The following ANKRD36C variants were observed in gnomAD, a reference collection of about 807,000 sequenced individuals.
ANKRD36C encodes the protein ankyrin repeat domain 36C.
A neutral mutation model predicts 276.4 loss-of-function variants in ANKRD36C; 61 were observed. The ratio of observed to expected loss-of-function variants is 0.22; its 90% CI spans 0.18 to 0.27. ANKRD36C has a LOEUF of 0.27. Ranked by LOEUF, ANKRD36C falls within the 10% of genes least tolerant of loss-of-function variation. The probability of loss-of-function intolerance (pLI) is 1.00; values close to 1 mark genes in which losing one functional copy is unlikely to be tolerated. For synonymous variants in ANKRD36C, 483 were observed against 680.1 expected, an observed-to-expected ratio of 0.71 and a Z score of 4.51; for missense variants, 1,447 against 2,032.3, an observed-to-expected ratio of 0.71 and a Z score of 5.54.
chr2:95,943,440 G>A (rs1677950812), intron 19 of ANKRD36C, among the ~76,000 whole-genome samples: 3 of 147,674 alleles, frequency 2.0e-5, no homozygotes, highest in South Asian at 2.1e-4. Flanking sequence ...AGCCGAGATC[G>A]CCCACTGCCC....
chr2:95,924,822 T>C (rs532755578), intron 30 of ANKRD36C, among the ~76,000 whole-genome samples: 2 of 151,514 alleles, frequency 1.3e-5, no homozygotes, highest in African/African-American at 2.4e-5. Flanking sequence ...TTCACTCAGG[T>C]TTCCTCAGCA....
Position 95,908,724 on chromosome 2 carries a change from A to G in ANKRD36C, c.2653+3520T>C, listed in dbSNP as rs747324191. 72 of 1,544,536 alleles carry G rather than the reference A, an allele frequency of 4.7e-5. No homozygotes were observed. The African/African-American group carries it at 8.3e-4, about 18-fold the overall frequency. Reference sequence around the variant, plus strand: ...TGAAAAGTAAAAGGGATTCATAATCACTCATATGTAAAAATGACAAAATTA... The same window carrying G: ...TGAAAAGTAAAAGGGATTCATAATCGCTCATATGTAAAAATGACAAAATTA... On this transcript the variant is annotated intron_variant, in intron 42 of 66. Transcript: ENST00000456556.
chr2:95,915,671 T>TA (rs1461916550), intron 38 of ANKRD36C, among the ~76,000 whole-genome samples: 1 of 151,486 alleles, frequency 6.6e-6, no homozygotes, highest in Non-Finnish European at 1.5e-5. Flanking sequence ...CCTTTCTCCT[T>TA]ACACCCTTAA....
chr2:95,927,206 A>G lies in ANKRD36C; in HGVS notation c.1939+8T>C, dbSNP rs1446115665. On this transcript the variant is annotated splice_region_variant and intron_variant, in intron 28 of 66. Transcript: ENST00000456556. ...GAACATGACATTAAATGTGTTTTGC[A>G]AAATTACCTGTCCCAGATTGTTGTC... 1 of 1,609,700 alleles carries G rather than the reference A, an allele frequency of 6.2e-7. No individual in the cohort carries two copies. The highest frequency in any genetic ancestry group is 1.3e-5 in the African/African-American group (1 of 74,688).
At chr2:95,874,646 C>A (rs1435268743) in intron 59 of ANKRD36C, among the ~76,000 whole-genome samples, 6 of 151,092 alleles carry the variant, frequency 4.0e-5, no homozygotes, top group East Asian at 3.9e-4. Context: ...AAAACACCAA[C>A]AGCAATGGCA....
chr2:95,888,735 C>T (rs1676262592), intron 48 of ANKRD36C, among the ~76,000 whole-genome samples: 1 of 151,590 alleles, frequency 6.6e-6, no homozygotes, highest in Admixed American at 6.6e-5. Flanking sequence ...TTCTTGTATC[C>T]ACTCGTTTAG....
chr2:95,912,583 C>A (rs115576579), intron 40 of ANKRD36C, 148 bp from the exon 43 acceptor site: 3 of 1,474,712 alleles, frequency 2.0e-6, no homozygotes, highest in East Asian at 4.9e-5. Flanking sequence ...GGGACCAGAA[C>A]GTGACAGAAA....
chr2:95,870,747 G>A (rs893773973), intron 59 of ANKRD36C, among the ~76,000 whole-genome samples: 19 of 152,252 alleles, frequency 1.2e-4, no homozygotes, highest in East Asian at 7.7e-4. Flanking sequence ...AACCAAAGGC[G>A]AAGAAGTTAA....
chr2:95,984,871 C>A (rs1182491487), intron 3 of ANKRD36C, among the ~76,000 whole-genome samples: 4 of 151,842 alleles, frequency 2.6e-5, no homozygotes, highest in Admixed American at 6.6e-5. Context: ...CTAATAATGA[C>A]CTATATGTAT....
chr2:95,942,413 T>G, intron 19 of ANKRD36C, among the ~76,000 whole-genome samples: 1 of 152,430 alleles, frequency 6.6e-6, no homozygotes, highest in Non-Finnish European at 1.5e-5. Flanking sequence ...TGAAAACAGT[T>G]ATCTAAACCA....
In ANKRD36C at chr2:95,902,977, G is replaced by A. The variant is rs1447218956; in HGVS notation, c.2654-3641C>T. The A allele has an allele frequency of 1.6e-5, 25 of 1,580,586 alleles. 1 individual carries two copies. Among genetic ancestry groups the A allele is most frequent in the African/African-American group, 2.7e-5 (2 of 73,714 alleles). ...TTGTAGCCTGAATGGAATTTGAAAT[G>A]CAATAATAAATTAATAAAGTATGCT... is the stretch of plus-strand genomic sequence containing the variant. On this transcript the variant is annotated intron_variant, in intron 42 of 66. Coordinates refer to ENST00000456556, the Ensembl canonical transcript of ANKRD36C.
At chr2:95,884,135 G>T (rs1397702473) in intron 54 of ANKRD36C, 38 bp downstream of exon 74, 1 of 1,574,676 alleles carries the variant, frequency 6.4e-7, no homozygotes, top group Non-Finnish European at 8.7e-7. Flanking sequence ...TTTTCTATCT[G>T]GACTGAACAT....
At position 95,876,873 on chromosome 2, in the gene ANKRD36C, A is replaced by T. The variant is rs541040534; in HGVS notation, c.3470-364T>A. Among the ~76,000 whole-genome samples, 45 of 145,668 alleles carry T rather than the reference A, an allele frequency of 3.1e-4. No homozygotes were observed. In the East Asian group the frequency reaches 8.1e-3, roughly 26 times the overall value. ...TGTCTCAAAAAAAAAAAAAAAAAAA[A>T]AAGTCTTTCTAAAACCAGAAAATAA... is the stretch of plus-strand genomic sequence containing the variant. On this transcript the variant is annotated intron_variant, in intron 58 of 66. Transcript: ENST00000456556.
rs919479047 is a variant in ANKRD36C, at chr2:95,971,698, T to A, written c.799+6424A>T. Among the ~76,000 whole-genome samples the A allele has an allele frequency of 2.2e-3, 337 of 152,256 alleles. 1 individual carries two copies. The highest frequency in any genetic ancestry group is 3.5e-3 in the Non-Finnish European group (239 of 68,002). On this transcript the variant is annotated intron_variant, in intron 6 of 66. Transcript: ENST00000456556. ...ATAACTGATAAATGATTGATTTTTT[T>A]AATTTCATAATTATAAACAGAAATT...
intron 58 of ANKRD36C, among the ~76,000 whole-genome samples, chr2:95,879,686 C>A (rs1189146781): frequency 6.6e-6 from 1 of 152,092 alleles, no homozygotes; most frequent in Non-Finnish European, 1.5e-5. Context: ...TTGACCAGAA[C>A]CAATAAAAGT....
chr2:95,919,793 C>T lies in ANKRD36C; in HGVS notation c.2246-1751G>A. 11 of 1,402,010 alleles carry T rather than the reference C, an allele frequency of 7.8e-6. 3 individuals carry two copies. The highest frequency in any genetic ancestry group is 4.9e-5 in the South Asian group (4 of 81,668). 86.8% of individuals were successfully genotyped at this position (1,402,010 alleles called of 1,614,324 possible). On this transcript the variant is annotated intron_variant, in intron 34 of 66. Coordinates refer to ENST00000456556, the Ensembl canonical transcript of ANKRD36C. ...GCTATATTCAAAACAGAATCTTCCTCGTCAGTTGTAGCCTGAATGGAATTT... is the reference window on the plus strand; with the variant it reads ...GCTATATTCAAAACAGAATCTTCCTTGTCAGTTGTAGCCTGAATGGAATTT...
chr2:95,916,785 G>C (rs189863019), intron 36 of ANKRD36C, among the ~76,000 whole-genome samples: 39 of 151,506 alleles, frequency 2.6e-4, no homozygotes, highest in African/African-American at 9.0e-4. Flanking sequence ...AAGTTTCTTG[G>C]ATCCACTAGT....
chr2:95,915,880 T>C, intron 38 of ANKRD36C, 100 bp downstream of exon 40: 1 of 1,431,312 alleles, frequency 7.0e-7, no homozygotes, highest in African/African-American at 1.4e-5. Flanking sequence ...GCCTGTTGAA[T>C]CAGAATGTGC....
intron 19 of ANKRD36C, 132 bp downstream of exon 19, chr2:95,944,495 T>G: frequency 1.1e-6 from 1 of 940,748 alleles, no homozygotes; most frequent in East Asian, 2.7e-5. Context: ...GAATAAAGCA[T>G]GGGAAAACTA....
Sources: gnomAD v4.1 joint callset for allele counts (sites outside exome capture counted in the v4.1 genomes callset) on GRCh38, gnomAD v4.1.1 for gene constraint, MANE v1.5 for transcripts, NCBI Gene and HGNC (gene_info 2026-07-23, HGNC 2026-07-21) for gene names.